The following LATS2 variants were observed in gnomAD, a reference collection of about 807,000 sequenced individuals.
LATS2 encodes the protein large tumor suppressor kinase 2, also known as serine/threonine-protein kinase LATS2.
A neutral mutation model predicts 76.0 loss-of-function variants in LATS2; 24 were observed. That is an observed-to-expected ratio of 0.32 (90% confidence interval 0.23 to 0.44). The LOEUF (loss-of-function observed/expected upper bound fraction) is 0.44, where lower values mean the gene tolerates loss of function less well. Among genes scored for constraint, LATS2 ranks in the 20% least tolerant of loss-of-function variants. The pLI, the probability that LATS2 is intolerant of heterozygous loss-of-function variation, is 1.00. For synonymous variants in LATS2, 692 were observed against 635.4 expected (o/e 1.09, Z -1.34); for missense variants, 1,286 against 1,481.2 (o/e 0.87, Z 2.16).
chr13:20,998,956 C>A (rs2138313408), intron 2 of LATS2, among the ~76,000 whole-genome samples: 1 of 151,562 alleles, frequency 6.6e-6, no homozygotes, highest in East Asian at 2.0e-4. Flanking sequence ...GCGCAAGGGC[C>A]CTGGTGACCT....
intron 2 of LATS2, among the ~76,000 whole-genome samples, chr13:21,031,361 A>C (rs1872524025): frequency 6.6e-6 from 1 of 152,118 alleles, no homozygotes; most frequent in Non-Finnish European, 1.5e-5. Flanking sequence ...CCCACAAGTC[A>C]CTGAGATTTC....
rs200751057 is a variant in LATS2, at chr13:20,989,192, G to C, written c.588C>G (p.Phe196Leu). ...LSGTPYEGPS[F>L]GADGPTALEE... The stretch of plus-strand genomic sequence containing the variant: ...CCAGCGCCGTGGGGCCGTCAGCGCC[G>C]AAGCTTGGGCCCTCGTAGGGGGTAC... Residue 196 changes from phenylalanine to leucine, a missense_variant, in exon 4 of 8, where the codon TTC becomes TTG. Coordinates refer to ENST00000382592, the MANE Select transcript of LATS2 (RefSeq NM_014572.3). The C allele has an allele frequency of 3.1e-6, 5 of 1,613,588 alleles. No individual in the cohort carries two copies. Among genetic ancestry groups the C allele is most frequent in the Non-Finnish European group, 3.4e-6 (4 of 1,179,978 alleles).
Position 20,983,215 on chromosome 13 carries a change from A to G in LATS2, c.2482+9T>C. ...ATAGAAAGTGCATGTGGCACACTTCAGACAATACCTTTCTGGTAATATTTG... is the reference window on the plus strand; with the variant it reads ...ATAGAAAGTGCATGTGGCACACTTCGGACAATACCTTTCTGGTAATATTTG... On this transcript the variant is annotated intron_variant, in intron 5 of 7. Transcript: ENST00000382592. The G allele has an allele frequency of 6.3e-7, 1 of 1,594,528 alleles. No individual in the cohort carries two copies. Among genetic ancestry groups the G allele is most frequent in the Non-Finnish European group, 8.6e-7 (1 of 1,163,890 alleles).
In LATS2 at chr13:21,007,557, A is replaced by G. The variant is rs1331331852; in HGVS notation, c.343-16153T>C. Among the ~76,000 whole-genome samples the G allele has an allele frequency of 6.9e-4, 11 of 16,058 alleles. 2 individuals are homozygous for G. The East Asian group carries it at 0.045, about 66-fold the overall frequency. 10.5% of individuals were successfully genotyped at this position (16,058 alleles called of 152,430 possible). A position where few individuals can be genotyped will look rare whatever the true frequency, so the allele number is the denominator to read the frequency against. On this transcript the variant is annotated intron_variant, in intron 2 of 7. Transcript: ENST00000382592. ...ATATATATATATAGTATATATATAT[A>G]TATATATATATATATATATATATAT...
At chr13:20,977,372 C>CA (rs1428699021) in intron 7 of LATS2, among the ~76,000 whole-genome samples, 1 of 134,842 alleles carries the variant, frequency 7.4e-6, no homozygotes, top group Non-Finnish European at 1.6e-5. Context: ...GGATACAGAG[C>CA]AAAACCCTGT....
At position 20,973,477 on chromosome 13, in the gene LATS2, T is replaced by A. The variant is rs558405378; in HGVS notation, c.*1393A>T. On this transcript the variant is annotated 3_prime_UTR_variant, in exon 8 of 8. Transcript: ENST00000382592. Reference sequence around the variant, plus strand: ...AAATATAAATCACTTTAAATAGGAATCATACTAATTTGAAATAAGGAATAT... The same window carrying A: ...AAATATAAATCACTTTAAATAGGAAACATACTAATTTGAAATAAGGAATAT... 8.4e-4 allele frequency: 196 copies of A among 232,450 alleles called. 1 individual carries two copies. Among genetic ancestry groups the A allele is most frequent in the African/African-American group, 3.7e-3 (166 of 45,336 alleles). The allele number at this position is 232,450 out of a possible 1,614,324, so 14.4% of individuals were successfully genotyped here.
intron 4 of LATS2, among the ~76,000 whole-genome samples, chr13:20,987,162 T>C (rs1415700579): frequency 6.6e-6 from 1 of 152,102 alleles, no homozygotes; most frequent in African/African-American, 2.4e-5. Context: ...GCCATTGCGC[T>C]CCAGCCTGGG....
At chr13:20,999,353 G>T (rs950693723) in intron 2 of LATS2, among the ~76,000 whole-genome samples, 7 of 152,212 alleles carry the variant, frequency 4.6e-5, no homozygotes, top group African/African-American at 1.7e-4. Flanking sequence ...ACGTCTTTTT[G>T]AAACGAATGA....
At chr13:21,016,755 G>A (rs2138351495) in intron 2 of LATS2, among the ~76,000 whole-genome samples, 1 of 152,204 alleles carries the variant, frequency 6.6e-6, no homozygotes, top group South Asian at 2.1e-4. Flanking sequence ...CCAAACCAAG[G>A]GCAGGCAACT....
intron 2 of LATS2, among the ~76,000 whole-genome samples, chr13:20,995,003 C>G (rs1022335678): frequency 1.4e-4 from 21 of 152,146 alleles, no homozygotes; most frequent in African/African-American, 5.1e-4. Context: ...AGGCCACACA[C>G]CTAGGTTCAC....
chr13:21,053,166 C>T (rs1017818939), intron 1 of LATS2, among the ~76,000 whole-genome samples: 4 of 135,562 alleles, frequency 3.0e-5, no homozygotes, highest in African/African-American at 5.5e-5. Context: ...ACCCGGGAGG[C>T]GGAGGATGCA....
At chr13:21,057,991 C>T (rs57292143) in intron 1 of LATS2, among the ~76,000 whole-genome samples, 3,612 of 152,218 alleles carry the variant, frequency 0.024, 160 homozygotes, top group African/African-American at 0.082. Flanking sequence ...ACAATGGGAA[C>T]GATGCCCCTG....
chr13:21,037,114 A>ATATTTTAGGACCGGG (rs1175585269), intron 2 of LATS2, among the ~76,000 whole-genome samples: 1 of 152,228 alleles, frequency 6.6e-6, no homozygotes, highest in Non-Finnish European at 1.5e-5. Flanking sequence ...GTTAAAAATC[A>ATATTTTAGGACCGGG]TATTTTAGGA....
intron 2 of LATS2, among the ~76,000 whole-genome samples, chr13:20,997,778 G>A (rs1291737676): frequency 6.6e-6 from 1 of 152,226 alleles, no homozygotes; most frequent in African/African-American, 2.4e-5. Flanking sequence ...CAAGGCAGGA[G>A]CTGGGCTTGC....
chr13:20,981,342 CT>C (rs1213931246), intron 6 of LATS2, 123 bp downstream of exon 6: 2 of 860,636 alleles, frequency 2.3e-6, no homozygotes, highest in Non-Finnish European at 3.5e-6. Context: ...AGCTTTCAGG[CT>C]TCTATGAGGA....
intron 2 of LATS2, among the ~76,000 whole-genome samples, chr13:21,025,285 G>C (rs1872266106): frequency 6.6e-6 from 1 of 151,468 alleles, no homozygotes; most frequent in African/African-American, 2.4e-5. Context: ...CCAGCTACTA[G>C]GGAGGCTGAG....
In LATS2 at chr13:20,989,189, G is replaced by C; in HGVS notation, c.591C>G (p.Gly197=). ...CCTCCAGCGCCGTGGGGCCGTCAGC[G>C]CCGAAGCTTGGGCCCTCGTAGGGGG... ...SGTPYEGPSF[G]ADGPTALEEM... is the part of the protein sequence containing the mutation. Residue 197 remains glycine (G), a synonymous_variant, in exon 4 of 8, where the codon GGC becomes GGG. Coordinates refer to ENST00000382592, the MANE Select transcript of LATS2 (RefSeq NM_014572.3). 1 of 1,613,520 alleles carries C rather than the reference G, an allele frequency of 6.2e-7. No homozygotes were observed. The highest frequency in any genetic ancestry group is 8.5e-7 in the Non-Finnish European group (1 of 1,179,980).
chr13:21,052,651 C>T (rs1873312411), intron 1 of LATS2, among the ~76,000 whole-genome samples: 2 of 152,120 alleles, frequency 1.3e-5, no homozygotes, highest in African/African-American at 2.4e-5. Context: ...CATGCCCAGC[C>T]GAGTGACTCC....
chr13:21,031,180 T>C (rs1872519559), intron 2 of LATS2, among the ~76,000 whole-genome samples: 1 of 152,178 alleles, frequency 6.6e-6, no homozygotes, highest in Non-Finnish European at 1.5e-5. Flanking sequence ...GGCCTAGGAG[T>C]TGTTTCCTCT....
Sources: gnomAD v4.1 joint callset for allele counts (sites outside exome capture counted in the v4.1 genomes callset) on GRCh38, gnomAD v4.1.1 for gene constraint, MANE v1.5 for transcripts, NCBI Gene and HGNC (gene_info 2026-07-23, HGNC 2026-07-21) for gene names.